TENM2: variants seen among roughly 807,000 people sequenced by gnomAD.
TENM2 encodes the protein teneurin transmembrane protein 2, also known as teneurin-2.
In TENM2, 52 loss-of-function variants were observed where a neutral mutation model predicts 245.2. That is an observed-to-expected ratio of 0.21 (90% confidence interval 0.17 to 0.27). The LOEUF (loss-of-function observed/expected upper bound fraction) is 0.27. Among genes scored for constraint, TENM2 ranks in the 10% least tolerant of loss-of-function variants. The probability of loss-of-function intolerance (pLI) is 1.00; values close to 1 mark genes in which losing one functional copy is unlikely to be tolerated. For synonymous variants in TENM2, 1,363 were observed against 1,438.9 expected, an observed-to-expected ratio of 0.95 and a Z score of 1.19; for missense variants, 3,046 against 3,666.8, an observed-to-expected ratio of 0.83 and a Z score of 4.37.
At chr5:167,059,607 A>G in the TENM2 span, among the ~76,000 whole-genome samples, 25 of 151,420 alleles carry the variant, frequency 1.7e-4, no homozygotes, top group South Asian at 4.2e-4. Flanking sequence ...AACATCTGGG[A>G]GTTGATAACC....
chr5:167,109,418 A>G, the TENM2 span, among the ~76,000 whole-genome samples: 1,849 of 152,212 alleles, frequency 0.012, 20 homozygotes, highest in Non-Finnish European at 0.019. Flanking sequence ...TCAATTTTGC[A>G]TACAGCAGAA....
intron 20 of TENM2, among the ~76,000 whole-genome samples, chr5:168,213,675 AG>A (rs747433320): frequency 6.8e-6 from 1 of 147,708 alleles, no homozygotes; most frequent in African/African-American, 2.6e-5. Context: ...AAAAAAAAAA[AG>A]GTTTTTAATT....
At chr5:167,786,722 A>T (rs1043630844) in intron 2 of TENM2, among the ~76,000 whole-genome samples, 1 of 152,134 alleles carries the variant, frequency 6.6e-6, no homozygotes, top group South Asian at 2.1e-4. Flanking sequence ...AATAATTACC[A>T]GTCATGCTTC....
At chr5:167,927,523 T>G (rs1561943269) in intron 3 of TENM2, among the ~76,000 whole-genome samples, 1 of 152,150 alleles carries the variant, frequency 6.6e-6, no homozygotes, top group Non-Finnish European at 1.5e-5. Context: ...CTTAAGTGCA[T>G]AAATCAATCC....
At chr5:168,239,500 A>C (rs1765901513) in intron 25 of TENM2, among the ~76,000 whole-genome samples, 1 of 152,100 alleles carries the variant, frequency 6.6e-6, no homozygotes, top group Non-Finnish European at 1.5e-5. Flanking sequence ...TCTCAGCTCT[A>C]AGTAACAGCA....
chr5:167,566,435 C>G (rs1773912478), intron 2 of TENM2, among the ~76,000 whole-genome samples: 2 of 152,098 alleles, frequency 1.3e-5, no homozygotes, highest in South Asian at 4.1e-4. Context: ...AGAAATTGCA[C>G]TGTTTTTTCC....
chr5:167,684,955 T>A (rs548476120), intron 2 of TENM2, among the ~76,000 whole-genome samples: 1 of 152,312 alleles, frequency 6.6e-6, no homozygotes, highest in Non-Finnish European at 1.5e-5. Flanking sequence ...GGAACTCACA[T>A]AAGATCTTAT....
intron 8 of TENM2, among the ~76,000 whole-genome samples, chr5:168,094,236 T>C (rs1413062511): frequency 1.3e-5 from 2 of 152,010 alleles, no homozygotes; most frequent in Non-Finnish European, 2.9e-5. Flanking sequence ...GACACAATGG[T>C]AAATACCTCA....
upstream of TENM2, among the ~76,000 whole-genome samples, chr5:167,280,041 C>T (rs1770957695): frequency 6.6e-6 from 1 of 152,160 alleles, no homozygotes; most frequent in African/African-American, 2.4e-5. Context: ...AGCTGATTTT[C>T]TCTGACATTG....
In TENM2 at chr5:167,353,190, A is replaced by G. The variant is rs376895178; in HGVS notation, c.227-22008A>G. Among the ~76,000 whole-genome samples, 51 of 152,304 alleles carry G rather than the reference A, an allele frequency of 3.3e-4. 1 individual carries two copies. In the South Asian group the frequency reaches 8.5e-3, roughly 25 times the overall value. On this transcript the variant is annotated intron_variant, in intron 1 of 28. Transcript: ENST00000518659. ...GCTCATCAGCGCATGCCATGCAAAA[A>G]TAAATACATAAATAAACTTTTTGTT...
At chr5:167,500,385 G>C (rs1054323140) in intron 2 of TENM2, among the ~76,000 whole-genome samples, 1 of 151,942 alleles carries the variant, frequency 6.6e-6, no homozygotes, top group Non-Finnish European at 1.5e-5. Context: ...TATTATGAAG[G>C]CATGATCTGT....
At chr5:167,171,874 C>G in the TENM2 span, among the ~76,000 whole-genome samples, 3 of 152,140 alleles carry the variant, frequency 2.0e-5, no homozygotes, top group Admixed American at 2.0e-4. Context: ...CAGAGCAGAG[C>G]AGAACAAGGT....
At chr5:168,250,556 A>T (rs575401929) in intron 27 of TENM2, among the ~76,000 whole-genome samples, 1 of 152,318 alleles carries the variant, frequency 6.6e-6, no homozygotes, top group African/African-American at 2.4e-5. Flanking sequence ...CTGCCATCTA[A>T]GCCCCATGCT....
In TENM2 at chr5:167,995,237, G is replaced by T. The variant is rs1245725906; in HGVS notation, c.1186+2055G>T. Among the ~76,000 whole-genome samples the T allele has an allele frequency of 2.6e-5, 4 of 152,156 alleles. 1 individual carries two copies. The highest frequency in any genetic ancestry group is 2.0e-4 in the Admixed American group (3 of 15,276). ...GTTAAAGTAGAATAGCTTCCTGTAA[G>T]GGCAGTCATATACATGGGAAACCGT... On this transcript the variant is annotated intron_variant, in intron 5 of 28. Transcript: ENST00000518659.
chr5:167,361,204 T>A (rs1759690945), intron 1 of TENM2, among the ~76,000 whole-genome samples: 1 of 152,076 alleles, frequency 6.6e-6, no homozygotes. Context: ...TTTAAATTGA[T>A]TTTTTTAAGG....
intron 2 of TENM2, among the ~76,000 whole-genome samples, chr5:167,746,708 A>AGG (rs1761600635): frequency 6.7e-6 from 1 of 149,798 alleles, no homozygotes; most frequent in Non-Finnish European, 1.5e-5. Context: ...AGAGAGAGAG[A>AGG]GAGAGAGCTG....
At position 168,200,024 on chromosome 5, in the gene TENM2, A is replaced by G. The variant is rs1761791178; in HGVS notation, c.3323A>G (p.His1108Arg). 2 of 1,613,996 alleles carry G rather than the reference A, an allele frequency of 1.2e-6. No homozygotes were observed. Among genetic ancestry groups the G allele is most frequent in the Non-Finnish European group, 8.5e-7 (1 of 1,179,882 alleles). ...CACCTGATGGTGGCTGTCGAGGGGC[A>G]TCTCTTCCAGAAGTCATTCCAGGCT... Residue 1108 changes from histidine (H) to arginine (R), a missense_variant, in exon 17 of 29, where the codon CAT (histidine) becomes CGT (arginine). This residue lies in a region of TENM2 where 2,704 missense variants were observed against 3,331.9 expected (regional missense o/e 0.81). Transcript: ENST00000518659.
chr5:168,204,341 A>G lies in TENM2; in HGVS notation c.3575-31A>G, dbSNP rs1762184814. The G allele has an allele frequency of 1.9e-6, 3 of 1,601,604 alleles. No homozygotes were observed. In the South Asian group the frequency reaches 3.3e-5, roughly 18 times the overall value. ...ACACATGTCTTCCCCAGAGGGCTTC[A>G]GTAACCCCTCCCATTCTCCAACCCC... On this transcript the variant is annotated intron_variant, in intron 18 of 28. Transcript: ENST00000518659.
intron 3 of TENM2, among the ~76,000 whole-genome samples, chr5:167,895,901 A>G (rs1217117173): frequency 4.6e-5 from 7 of 152,244 alleles, no homozygotes. Context: ...ATTCATTTCA[A>G]TTCCACAAAT....
Sources: gnomAD v4.1 joint callset for allele counts (sites outside exome capture counted in the v4.1 genomes callset) on GRCh38, gnomAD v4.1.1 for gene constraint, gnomAD v4.1.1 regional missense constraint, MANE v1.5 for transcripts, NCBI Gene and HGNC (gene_info 2026-07-23, HGNC 2026-07-21) for gene names.